PDE4B: variants seen among roughly 807,000 people sequenced by gnomAD.
PDE4B encodes the protein 3',5'-cyclic-AMP phosphodiesterase 4B.
A neutral mutation model predicts 82.2 loss-of-function variants in PDE4B; 20 were observed. The ratio of observed to expected loss-of-function variants is 0.24; its 90% CI spans 0.17 to 0.35. The LOEUF (loss-of-function observed/expected upper bound fraction) is 0.35, where lower values mean the gene tolerates loss of function less well. Among genes scored for constraint, PDE4B ranks in the 10% least tolerant of loss-of-function variants. The pLI, the probability that PDE4B is intolerant of heterozygous loss-of-function variation, is 1.00. For synonymous variants in PDE4B, 320 were observed against 318.9 expected (o/e 1.00, Z -0.04); for missense variants, 655 against 907.2 (o/e 0.72, Z 3.57).
chr1:66,183,728 A>G (rs1365015485), intron 3 of PDE4B, among the ~76,000 whole-genome samples: 1 of 152,160 alleles, frequency 6.6e-6, no homozygotes, highest in Non-Finnish European at 1.5e-5. Context: ...CTTAGCAGAG[A>G]CGTGTTGACC....
rs142578471 is a variant in PDE4B, at chr1:66,260,560, A to G, written c.584+2697A>G. ...GACACATTTTAAAGGCTTCTTAAGC[A>G]TGGCTGGACTGAGAACCACTACATT... On this transcript the variant is annotated intron_variant, in intron 6 of 16. Coordinates refer to ENST00000341517, the MANE Select transcript of PDE4B (RefSeq NM_002600.4). Among the ~76,000 whole-genome samples, 13 of 152,330 alleles carry G rather than the reference A, an allele frequency of 8.5e-5. No individual in the cohort carries two copies. The East Asian group carries it at 2.3e-3, about 27-fold the overall frequency.
intron 3 of PDE4B, among the ~76,000 whole-genome samples, chr1:65,968,362 A>T (rs575340122): frequency 6.6e-6 from 1 of 152,262 alleles, no homozygotes; most frequent in African/African-American, 2.4e-5. Context: ...TGCTTATTGA[A>T]TGTCTTCTCT....
At chr1:66,113,857 C>A (rs1191664753) in intron 3 of PDE4B, among the ~76,000 whole-genome samples, 1 of 152,094 alleles carries the variant, frequency 6.6e-6, no homozygotes, top group African/African-American at 2.4e-5. Context: ...TAGATAATAG[C>A]AAACATTTAT....
chr1:66,240,680 C>T (rs1652822979), intron 3 of PDE4B, among the ~76,000 whole-genome samples: 1 of 152,260 alleles, frequency 6.6e-6, no homozygotes, highest in Non-Finnish European at 1.5e-5. Flanking sequence ...GCTGTATTCT[C>T]AGGCGGAGAA....
intron 3 of PDE4B, among the ~76,000 whole-genome samples, chr1:66,128,476 G>A (rs528256442): frequency 1.3e-5 from 2 of 152,232 alleles, no homozygotes; most frequent in East Asian, 1.9e-4. Context: ...CATTTATATC[G>A]GAGTCTAAAT....
chr1:65,868,678 C>T (rs1490274664), intron 1 of PDE4B, among the ~76,000 whole-genome samples: 2 of 152,118 alleles, frequency 1.3e-5, no homozygotes, highest in African/African-American at 4.8e-5. Context: ...GGCTGCAGAC[C>T]AGTAGTGGTC....
Position 65,802,312 on chromosome 1 carries a change from T to C in PDE4B, c.-71+9064T>C, listed in dbSNP as rs551808481. ...GTTGAAAGTGTCACCAGTTTTCTCCTGGTGAAAAGACAGTTAATAAAGCTT... is the reference window on the plus strand; with the variant it reads ...GTTGAAAGTGTCACCAGTTTTCTCCCGGTGAAAAGACAGTTAATAAAGCTT... On this transcript the variant is annotated intron_variant, in intron 1 of 16. Transcript: ENST00000341517. Among the ~76,000 whole-genome samples the C allele has an allele frequency of 3.9e-4, 59 of 152,312 alleles. No homozygotes were observed. In the Middle Eastern group the frequency reaches 0.017, roughly 44 times the overall value.
At chr1:65,838,745 C>T (rs1646173894) in intron 1 of PDE4B, among the ~76,000 whole-genome samples, 1 of 151,448 alleles carries the variant, frequency 6.6e-6, no homozygotes, top group Non-Finnish European at 1.5e-5. Flanking sequence ...TACTAGGTTA[C>T]TCTAATAGCA....
In PDE4B at chr1:66,162,957, C is replaced by T. The variant is rs560004332; in HGVS notation, c.282-84503C>T. On this transcript the variant is annotated intron_variant, in intron 3 of 16. Transcript: ENST00000341517. ...TTTTATTACTTGAAGGCAAATAGTT[C>T]TACTGTGGTCATGGAAAGGCTACTG... Among the ~76,000 whole-genome samples, 5 of 152,114 alleles carry T rather than the reference C, an allele frequency of 3.3e-5. 1 individual carries two copies. Among genetic ancestry groups the T allele is most frequent in the Non-Finnish European group, 7.4e-5 (5 of 68,012 alleles).
intron 3 of PDE4B, among the ~76,000 whole-genome samples, chr1:66,000,467 T>C (rs1651804403): frequency 6.6e-6 from 1 of 152,202 alleles, no homozygotes; most frequent in African/African-American, 2.4e-5. Flanking sequence ...CCTTGTACTC[T>C]AGAAAAGACG....
chr1:66,276,166 G>C (rs1655866582), intron 7 of PDE4B, among the ~76,000 whole-genome samples: 2 of 152,164 alleles, frequency 1.3e-5, no homozygotes, highest in African/African-American at 4.8e-5. Flanking sequence ...AGGGGCTAGT[G>C]CTTATTCCAT....
chr1:65,901,936 T>G (rs1646976097), intron 1 of PDE4B, among the ~76,000 whole-genome samples: 1 of 152,100 alleles, frequency 6.6e-6, no homozygotes, highest in Non-Finnish European at 1.5e-5. Flanking sequence ...TTTAGCACTA[T>G]AAACTTTTAA....
At chr1:65,797,721 C>T (rs1451856748) in intron 1 of PDE4B, among the ~76,000 whole-genome samples, 1 of 152,166 alleles carries the variant, frequency 6.6e-6, no homozygotes, top group Non-Finnish European at 1.5e-5. Context: ...ATTCCTGGTG[C>T]CAGTGCTCTG....
intron 7 of PDE4B, among the ~76,000 whole-genome samples, chr1:66,322,682 G>A (rs1659488925): frequency 6.6e-6 from 1 of 151,874 alleles, no homozygotes; most frequent in Non-Finnish European, 1.5e-5. Context: ...AGGATGTGGA[G>A]AAATAGGAAC....
intron 3 of PDE4B, among the ~76,000 whole-genome samples, chr1:66,083,458 G>A (rs916980493): frequency 6.6e-6 from 1 of 152,048 alleles, no homozygotes; most frequent in Non-Finnish European, 1.5e-5. Flanking sequence ...GGGGTGCTAG[G>A]TATTGTACTC....
At chr1:65,927,925 C>G (rs866083967) in intron 3 of PDE4B, among the ~76,000 whole-genome samples, 6 of 152,152 alleles carry the variant, frequency 3.9e-5, no homozygotes, top group Non-Finnish European at 7.4e-5. Context: ...TGGATCCACT[C>G]TTTGTTGGAC....
chr1:65,980,630 T>C (rs1053536247), intron 3 of PDE4B, among the ~76,000 whole-genome samples: 1 of 152,194 alleles, frequency 6.6e-6, no homozygotes, highest in Non-Finnish European at 1.5e-5. Context: ...AAATTTTCCT[T>C]GGCTTCAGTG....
intron 3 of PDE4B, among the ~76,000 whole-genome samples, chr1:65,974,797 A>C (rs1036485122): frequency 5.3e-5 from 8 of 152,112 alleles, no homozygotes; most frequent in African/African-American, 1.9e-4. Flanking sequence ...ACCTTCCATC[A>C]TGACTGTAAG....
intron 7 of PDE4B, among the ~76,000 whole-genome samples, chr1:66,299,213 T>A (rs1657719200): frequency 6.6e-6 from 1 of 152,138 alleles, no homozygotes; most frequent in African/African-American, 2.4e-5. Flanking sequence ...TTACCCAAAC[T>A]CTCTGTCTTC....
Sources: allele counts gnomAD v4.1 joint callset (sites outside exome capture counted in the v4.1 genomes callset), GRCh38; gene constraint gnomAD v4.1.1; transcripts MANE v1.5; gene names NCBI Gene and HGNC (gene_info 2026-07-23, HGNC 2026-07-21).